The following RBM20 variants were observed in gnomAD, a reference collection of about 807,000 sequenced individuals.
RBM20 encodes RNA-binding protein 20.
Under a neutral mutation model 110.1 loss-of-function variants are expected in RBM20, and 51 were observed. The ratio of observed to expected loss-of-function variants is 0.46; its 90% CI spans 0.37 to 0.59. RBM20 has a LOEUF of 0.59. Among genes scored for constraint, RBM20 ranks in the 20% least tolerant of loss-of-function variants. The pLI, the probability that RBM20 is intolerant of heterozygous loss-of-function variation, is 0.00. For synonymous variants in RBM20, 589 were observed against 618.2 expected (o/e 0.95, Z 0.70); for missense variants, 1,512 against 1,574.9 (o/e 0.96, Z 0.68).
intron 1 of RBM20, among the ~76,000 whole-genome samples, chr10:110,764,381 C>T (rs534247933): frequency 4.6e-5 from 7 of 152,314 alleles, no homozygotes; most frequent in East Asian, 1.9e-4. Flanking sequence ...AAATGGTCAG[C>T]GCGATCAGAC....
intron 7 of RBM20, among the ~76,000 whole-genome samples, chr10:110,810,120 T>C (rs944572771): frequency 2.9e-4 from 44 of 152,308 alleles, no homozygotes; most frequent in African/African-American, 9.4e-4. Context: ...AAATGCTGCT[T>C]GTCTCCAGCA....
In RBM20 at chr10:110,810,415, G is replaced by C; in HGVS notation, c.1833G>C (p.Gln611His). ...KPGKAVAAIIQDIHSQRERDM... is the reference protein window; with the variant it reads ...KPGKAVAAIIHDIHSQRERDM... ...GGAAGGCCGTGGCTGCCATCATCCA[G>C]GACATCCATTCCCAGAGGGAGAGGG... Residue 611 changes from glutamine to histidine, a missense_variant, in exon 8 of 14, where the codon CAG becomes CAC. By Grantham distance (24) the Gln-to-His change is conservative. Transcript: ENST00000369519. 6.4e-7 allele frequency: 1 copy of C among 1,551,612 alleles called. No homozygotes were observed.
intron 13 of RBM20, among the ~76,000 whole-genome samples, chr10:110,833,958 C>T (rs1845091294): frequency 6.6e-6 from 1 of 152,208 alleles, no homozygotes; most frequent in Non-Finnish European, 1.5e-5. Context: ...AATCAGGCAA[C>T]TTTTAAACTT....
At chr10:110,733,708 T>C (rs1244314150) in intron 1 of RBM20, among the ~76,000 whole-genome samples, 1 of 152,248 alleles carries the variant, frequency 6.6e-6, no homozygotes, top group African/African-American at 2.4e-5. Context: ...GCTCGGCGCT[T>C]TCTGGCTGCC....
rs137890280 is a variant in RBM20, at chr10:110,662,307, C to T, written c.191+17662C>T. Among the ~76,000 whole-genome samples the T allele has an allele frequency of 1.8e-4, 28 of 152,296 alleles. 1 individual carries two copies. In the East Asian group the frequency reaches 4.3e-3, roughly 23 times the overall value. ...AAACTAATCTATCATATTTTCAAAC[C>T]GAATATTTAACACTGTGCTGACTTC... On this transcript the variant is annotated intron_variant, in intron 1 of 13. Transcript: ENST00000369519.
At chr10:110,723,739 A>G (rs1590637206) in intron 1 of RBM20, among the ~76,000 whole-genome samples, 1 of 152,210 alleles carries the variant, frequency 6.6e-6, no homozygotes, top group Non-Finnish European at 1.5e-5. Context: ...AGACACATCT[A>G]TTCAAATCCT....
rs1416020454 is a variant in RBM20, at chr10:110,741,501, A to AG, written c.192-39299dup. Among the ~76,000 whole-genome samples the AG allele has an allele frequency of 2.6e-5, 4 of 152,230 alleles. No homozygotes were observed. The East Asian group carries it at 7.7e-4, about 29-fold the overall frequency. ...CTCCTCCATCAACTCAGAAAGTGAA[A>AG]GAGACCCACAGGTCATCCTCAACTC... On this transcript the variant is annotated intron_variant, in intron 1 of 13. Transcript: ENST00000369519.
At chr10:110,658,633 C>T (rs1862059732) in intron 1 of RBM20, among the ~76,000 whole-genome samples, 1 of 152,040 alleles carries the variant, frequency 6.6e-6, no homozygotes, top group African/African-American at 2.4e-5. Context: ...GATTGGGCTC[C>T]ACTCCTTCTT....
At chr10:110,826,357 A>G (rs1844980690) in intron 12 of RBM20, among the ~76,000 whole-genome samples, 1 of 152,160 alleles carries the variant, frequency 6.6e-6, no homozygotes, top group Admixed American at 6.5e-5. Flanking sequence ...ACTGGGAACA[A>G]TGTTCATCAT....
At position 110,799,977 on chromosome 10, in the gene RBM20, G is replaced by A. The variant is rs755653320; in HGVS notation, c.1800+59G>A. Reference sequence around the variant, plus strand: ...CAAGCACCAGATGAGTTTCTCCTCCGTGTTAGGCACTGACCTAAACGCTGG... The same window carrying A: ...CAAGCACCAGATGAGTTTCTCCTCCATGTTAGGCACTGACCTAAACGCTGG... On this transcript the variant is annotated intron_variant, in intron 7 of 13. Coordinates refer to ENST00000369519, the MANE Select transcript of RBM20 (RefSeq NM_001134363.3). The A allele has an allele frequency of 9.3e-5, 138 of 1,489,194 alleles. No homozygotes were observed. In the Admixed American group the frequency reaches 1.2e-3, roughly 13 times the overall value. The allele number at this position is 1,489,194 out of a possible 1,614,324, so 92.2% of individuals were successfully genotyped here.
intron 1 of RBM20, among the ~76,000 whole-genome samples, chr10:110,719,932 G>T (rs368129485): frequency 6.6e-6 from 1 of 151,684 alleles, no homozygotes; most frequent in South Asian, 2.1e-4. Flanking sequence ...TGGAGGCTGG[G>T]GCATCCAAGA....
chr10:110,760,507 CTCAG>C (rs1218921253), intron 1 of RBM20, among the ~76,000 whole-genome samples: 1 of 113,718 alleles, frequency 8.8e-6, no homozygotes, highest in Non-Finnish European at 1.7e-5. Flanking sequence ...ATCTCAGGAT[CTCAG>C]CTCACTGCAA....
chr10:110,802,463 C>T (rs10885049), intron 7 of RBM20, among the ~76,000 whole-genome samples: 1 of 150,804 alleles, frequency 6.6e-6, no homozygotes. Context: ...CTATATCCAA[C>T]CAAAGTTCCT....
At chr10:110,793,137 A>G (rs1218974334) in intron 5 of RBM20, among the ~76,000 whole-genome samples, 1 of 152,196 alleles carries the variant, frequency 6.6e-6, no homozygotes, top group Non-Finnish European at 1.5e-5. Flanking sequence ...ACGTGGGGAA[A>G]CTAAGGCTCA....
chr10:110,717,127 G>T (rs1050593399), intron 1 of RBM20, among the ~76,000 whole-genome samples: 1 of 152,098 alleles, frequency 6.6e-6, no homozygotes, highest in Non-Finnish European at 1.5e-5. Context: ...ATCCTCAACT[G>T]CAGGCTTCTG....
chr10:110,732,554 C>T (rs754554675), intron 1 of RBM20, among the ~76,000 whole-genome samples: 1 of 152,290 alleles, frequency 6.6e-6, no homozygotes, highest in East Asian at 1.9e-4. Flanking sequence ...GTTCTGAAAT[C>T]ATTCCCTAAA....
At chr10:110,664,425 CAT>C (rs111996521) in intron 1 of RBM20, among the ~76,000 whole-genome samples, 3 of 152,232 alleles carry the variant, frequency 2.0e-5, no homozygotes, top group African/African-American at 4.8e-5. Flanking sequence ...AATATATTAA[CAT>C]GTGCAAAATC....
intron 1 of RBM20, among the ~76,000 whole-genome samples, chr10:110,693,919 G>A (rs996116104): frequency 2.0e-5 from 3 of 152,128 alleles, no homozygotes; most frequent in African/African-American, 7.2e-5. Flanking sequence ...GCTTTTATAT[G>A]GTCCTTAGCC....
At chr10:110,781,989 G>T (rs971661231) in intron 2 of RBM20, 105 bp downstream of exon 2, 19 of 1,402,178 alleles carry the variant, frequency 1.4e-5, no homozygotes, top group Non-Finnish European at 1.8e-5. Context: ...TTGCATTGGG[G>T]TAACAGAATT....
Sources: allele counts gnomAD v4.1 joint callset (sites outside exome capture counted in the v4.1 genomes callset), GRCh38; gene constraint gnomAD v4.1.1; transcripts MANE v1.5; gene names NCBI Gene and HGNC (gene_info 2026-07-23, HGNC 2026-07-21).